The following PDE1C variants were observed in gnomAD, a reference collection of about 807,000 sequenced individuals.
The protein encoded by PDE1C is phosphodiesterase 1C.
In PDE1C, 62 loss-of-function variants were observed where a neutral mutation model predicts 93.1. That is an observed-to-expected ratio of 0.67 (90% CI 0.54 to 0.82). The LOEUF is 0.82. Ranked by LOEUF, PDE1C falls within the 40% of genes least tolerant of loss-of-function variation. The pLI, the probability that PDE1C is intolerant of heterozygous loss-of-function variation, is 0.00. For missense variants in PDE1C, 742 were observed against 884.6 expected, an observed-to-expected ratio of 0.84 and a Z score of 2.04; for synonymous variants, 325 against 310.1, an observed-to-expected ratio of 1.05 and a Z score of -0.50.
At chr7:32,018,038 C>T (rs557877089) in intron 2 of PDE1C, among the ~76,000 whole-genome samples, 3 of 151,702 alleles carry the variant, frequency 2.0e-5, no homozygotes, top group East Asian at 3.9e-4. Flanking sequence ...CAAGATTCCA[C>T]CACTGCATTC....
At chr7:31,846,962 T>C (rs1405436788) in intron 9 of PDE1C, among the ~76,000 whole-genome samples, 1 of 152,146 alleles carries the variant, frequency 6.6e-6, no homozygotes, top group Non-Finnish European at 1.5e-5. Flanking sequence ...AAAGTTCATT[T>C]CTCTAAATCC....
the PDE1C span, among the ~76,000 whole-genome samples, chr7:31,632,176 T>G: frequency 6.6e-6 from 1 of 152,086 alleles, no homozygotes; most frequent in Admixed American, 6.6e-5. Context: ...AGGCAGGGCG[T>G]GGTGGCTCAC....
intron 2 of PDE1C, among the ~76,000 whole-genome samples, chr7:32,044,441 G>T (rs895176364): frequency 6.6e-6 from 1 of 152,122 alleles, no homozygotes; most frequent in African/African-American, 2.4e-5. Flanking sequence ...AAGAAGATAG[G>T]CATTTAATGG....
chr7:31,742,405 G>A, the PDE1C span, among the ~76,000 whole-genome samples: 5 of 152,154 alleles, frequency 3.3e-5, no homozygotes, highest in Admixed American at 6.5e-5. Flanking sequence ...CATTTTAACC[G>A]AATTCAAGCA....
At chr7:31,699,477 A>G in the PDE1C span, among the ~76,000 whole-genome samples, 2 of 152,206 alleles carry the variant, frequency 1.3e-5, no homozygotes, top group Admixed American at 1.3e-4. Context: ...CTAATTTAAG[A>G]ATAATAGACA....
At chr7:31,706,651 T>C in the PDE1C span, among the ~76,000 whole-genome samples, 5,803 of 152,288 alleles carry the variant, frequency 0.038, 393 homozygotes, top group African/African-American at 0.13. Flanking sequence ...GCTTTTAAGT[T>C]TGACTTCCTG....
At chr7:31,875,831 A>ATATATATG (rs761399274) in intron 5 of PDE1C, among the ~76,000 whole-genome samples, 1,785 of 90,014 alleles carry the variant, frequency 0.02, 175 homozygotes, top group East Asian at 0.046. Flanking sequence ...ATATATATAT[A>ATATATATG]TATAATGGAA....
chr7:32,387,286 A>AC (rs1452964012), intron 1 of PDE1C, among the ~76,000 whole-genome samples: 1 of 151,864 alleles, frequency 6.6e-6, no homozygotes, highest in African/African-American at 2.4e-5. Context: ...ATCCACACAG[A>AC]CCCGGCAACC....
At chr7:32,184,817 TAAAC>T (rs1803728888) in intron 2 of PDE1C, among the ~76,000 whole-genome samples, 2 of 151,848 alleles carry the variant, frequency 1.3e-5, no homozygotes, top group African/African-American at 2.4e-5. Flanking sequence ...TAAAATAAAA[TAAAC>T]AACTTCTTGG....
chr7:31,873,257 GTTTA>G, intron 6 of PDE1C, 31 bp downstream of exon 6: 2 of 1,271,558 alleles, frequency 1.6e-6, no homozygotes, highest in Non-Finnish European at 2.3e-6. Context: ...TATGCATGTA[GTTTA>G]TTTATTTTTT....
the PDE1C span, among the ~76,000 whole-genome samples, chr7:31,743,970 G>C: frequency 6.6e-6 from 1 of 152,186 alleles, no homozygotes; most frequent in Non-Finnish European, 1.5e-5. Context: ...GCTGCCCCCA[G>C]ATGTAGGACA....
chr7:31,828,090 T>C (rs1385901974), intron 12 of PDE1C, among the ~76,000 whole-genome samples: 4 of 152,130 alleles, frequency 2.6e-5, no homozygotes, highest in African/African-American at 4.8e-5. Context: ...AGAGTATCAT[T>C]GTCCAATTCT....
Position 31,855,209 on chromosome 7 carries a change from G to T in PDE1C, c.751-4468C>A, listed in dbSNP as rs1793861955. Among the ~76,000 whole-genome samples the T allele has an allele frequency of 2.0e-5, 3 of 152,098 alleles. No individual in the cohort carries two copies. The South Asian group carries it at 6.2e-4, about 32-fold the overall frequency. On this transcript the variant is annotated intron_variant, in intron 7 of 17. Transcript: ENST00000396191. ...GTTGGGAAAGGTTTCCTTTCTGGTGGCTCTGGGGGAAAATCTGCTCCCAAG... is the reference window on the plus strand; with the variant it reads ...GTTGGGAAAGGTTTCCTTTCTGGTGTCTCTGGGGGAAAATCTGCTCCCAAG...
At chr7:32,302,675 G>C (rs1042139369), upstream of PDE1C, among the ~76,000 whole-genome samples, 3 of 152,164 alleles carry the variant, frequency 2.0e-5, no homozygotes, top group African/African-American at 7.2e-5. Flanking sequence ...TTGCTCATTG[G>C]TTTTTCACTT....
intron 2 of PDE1C, among the ~76,000 whole-genome samples, chr7:31,967,027 C>A (rs1034557176): frequency 1.3e-5 from 2 of 152,138 alleles, no homozygotes; most frequent in Non-Finnish European, 2.9e-5. Context: ...AAAATTGACA[C>A]CCTAACATCA....
chr7:32,270,748 G>A (rs768972270), intron 1 of PDE1C, among the ~76,000 whole-genome samples: 3 of 152,166 alleles, frequency 2.0e-5, no homozygotes, highest in East Asian at 3.9e-4. Context: ...TCTGGAGCAC[G>A]TGGGATCCAG....
intron 3 of PDE1C, among the ~76,000 whole-genome samples, chr7:32,149,758 A>G (rs1801124882): frequency 6.6e-6 from 1 of 152,242 alleles, no homozygotes; most frequent in Non-Finnish European, 1.5e-5. Flanking sequence ...GAAAGAAGGA[A>G]CAATGAGTGG....
chr7:31,858,074 T>C (rs1275205308), intron 7 of PDE1C, among the ~76,000 whole-genome samples: 2 of 152,130 alleles, frequency 1.3e-5, no homozygotes, highest in East Asian at 1.9e-4. Context: ...CTGGAAAACA[T>C]GGGAGAAGCT....
upstream of PDE1C, among the ~76,000 whole-genome samples, chr7:32,075,009 G>A (rs1210386005): frequency 6.6e-6 from 1 of 152,154 alleles, no homozygotes; most frequent in Non-Finnish European, 1.5e-5. Flanking sequence ...ACATGTGGAG[G>A]GTACCTGCTG....
Sources: allele counts gnomAD v4.1 joint callset (sites outside exome capture counted in the v4.1 genomes callset), GRCh38; gene constraint gnomAD v4.1.1; transcripts MANE v1.5; gene names NCBI Gene and HGNC (gene_info 2026-07-23, HGNC 2026-07-21).